AOAH: variants seen among roughly 807,000 people sequenced by gnomAD.
AOAH encodes acyloxyacyl hydrolase, also known as acyloxyacyl hydrolase (neutrophil).
In AOAH, 64 loss-of-function variants were observed where a neutral mutation model predicts 92.2. That is an observed-to-expected ratio of 0.69 (90% CI 0.57 to 0.86). The LOEUF (loss-of-function observed/expected upper bound fraction) is 0.86, where lower values mean the gene tolerates loss of function less well. Ranked by LOEUF, AOAH falls within the 40% of genes least tolerant of loss-of-function variation. The probability of loss-of-function intolerance (pLI) is 0.00; values close to 1 mark genes in which losing one functional copy is unlikely to be tolerated. For missense variants in AOAH, 656 were observed against 694.6 expected, an observed-to-expected ratio of 0.94 and a Z score of 0.62; for synonymous variants, 263 against 254.5, an observed-to-expected ratio of 1.03 and a Z score of -0.32.
chr7:36,583,803 C>A (rs1490620914), intron 12 of AOAH, among the ~76,000 whole-genome samples: 1 of 152,214 alleles, frequency 6.6e-6, no homozygotes, highest in East Asian at 1.9e-4. Flanking sequence ...GTTCTCTGAG[C>A]TTGAAGCAGG....
chr7:36,596,169 C>G (rs1562603768), intron 11 of AOAH, among the ~76,000 whole-genome samples: 1 of 132,976 alleles, frequency 7.5e-6, no homozygotes, highest in African/African-American at 3.3e-5. Context: ...GAAAGCCCCC[C>G]CACCCCCCGT....
At chr7:36,539,114 G>A (rs2116164852) in intron 16 of AOAH, among the ~76,000 whole-genome samples, 1 of 152,334 alleles carries the variant, frequency 6.6e-6, no homozygotes, top group East Asian at 1.9e-4. Flanking sequence ...AGTAGTATAT[G>A]CAAGAAAAGG....
At chr7:36,623,744 AC>A (rs1218230285) in intron 6 of AOAH, among the ~76,000 whole-genome samples, 1 of 152,172 alleles carries the variant, frequency 6.6e-6, no homozygotes, top group Non-Finnish European at 1.5e-5. Context: ...GAAGCCAAGG[AC>A]CCTGATGTGA....
At chr7:36,680,066 A>G (rs1405918152) in intron 2 of AOAH, among the ~76,000 whole-genome samples, 1 of 152,206 alleles carries the variant, frequency 6.6e-6, no homozygotes, top group Non-Finnish European at 1.5e-5. Flanking sequence ...GTTTTTAACA[A>G]TTATATTCCA....
chr7:36,676,935 C>T (rs1033409678), intron 2 of AOAH, among the ~76,000 whole-genome samples: 4 of 152,008 alleles, frequency 2.6e-5, no homozygotes, highest in Non-Finnish European at 5.9e-5. Context: ...TAACCCAAAA[C>T]GGGTCAAAGA....
intron 1 of AOAH, among the ~76,000 whole-genome samples, chr7:36,695,126 TAGA>T (rs1797634241): frequency 6.6e-6 from 1 of 152,090 alleles, no homozygotes; most frequent in Non-Finnish European, 1.5e-5. Flanking sequence ...AACAAAAGAA[TAGA>T]AGAAGATCCA....
chr7:36,679,668 T>C (rs1201936317), intron 2 of AOAH, among the ~76,000 whole-genome samples: 1 of 149,080 alleles, frequency 6.7e-6, no homozygotes, highest in Non-Finnish European at 1.5e-5. Context: ...CACATAATTA[T>C]TTTTTTTTGA....
At chr7:36,541,955 T>C (rs966996146) in intron 15 of AOAH, among the ~76,000 whole-genome samples, 1 of 152,208 alleles carries the variant, frequency 6.6e-6, no homozygotes, top group South Asian at 2.1e-4. Flanking sequence ...AATGCTACAG[T>C]GTTACTTTCT....
Position 36,614,923 on chromosome 7 carries a change from A to C in AOAH, c.846+1457T>G, listed in dbSNP as rs999197482. Among the ~76,000 whole-genome samples, 2 of 152,168 alleles carry C rather than the reference A, an allele frequency of 1.3e-5. No homozygotes were observed. The highest frequency in any genetic ancestry group is 4.8e-5 in the African/African-American group (2 of 41,450). On this transcript the variant is annotated intron_variant, in intron 11 of 20. Coordinates refer to ENST00000617537, the MANE Select transcript of AOAH (RefSeq NM_001637.4). The surrounding 1 kb of genome is among the most constrained non-coding windows in gnomAD (Gnocchi z 4.2). ...TCCTGGCTTACCTGGGGACCCATGG[A>C]ACACTGGCAGGAGGAGGAACCCAGC...
chr7:36,554,060 T>A (rs1003129055), intron 13 of AOAH, among the ~76,000 whole-genome samples: 1 of 152,250 alleles, frequency 6.6e-6, no homozygotes, highest in African/African-American at 2.4e-5. Context: ...TCCTTGCCCA[T>A]GCCTATGTCA....
chr7:36,667,849 C>G (rs1795640204), intron 3 of AOAH, among the ~76,000 whole-genome samples: 2 of 152,174 alleles, frequency 1.3e-5, no homozygotes, highest in African/African-American at 4.8e-5. Context: ...GAAGTATGTT[C>G]TGTTTCAAAT....
intron 19 of AOAH, among the ~76,000 whole-genome samples, chr7:36,526,397 G>A (rs985297544): frequency 3.9e-5 from 6 of 152,174 alleles, no homozygotes; most frequent in South Asian, 2.1e-4. Context: ...TATCTGTATC[G>A]TGACCAATGT....
chr7:36,588,303 A>G (rs1234611917), intron 12 of AOAH, among the ~76,000 whole-genome samples: 1 of 152,162 alleles, frequency 6.6e-6, no homozygotes, highest in African/African-American at 2.4e-5. Flanking sequence ...GGAAAGCCTT[A>G]GTATTGTTGT....
intron 6 of AOAH, among the ~76,000 whole-genome samples, chr7:36,624,919 C>T (rs996430457): frequency 6.6e-6 from 1 of 152,196 alleles, no homozygotes; most frequent in East Asian, 1.9e-4. Context: ...GGGGGCCTTG[C>T]CTTCCTCTTT....
At chr7:36,564,379 G>A (rs530211008) in intron 13 of AOAH, among the ~76,000 whole-genome samples, 2 of 152,296 alleles carry the variant, frequency 1.3e-5, no homozygotes, top group East Asian at 1.9e-4. Flanking sequence ...CTCCTTGAAG[G>A]TGGGGGCTTT....
chr7:36,524,732 G>A (rs958630266), intron 19 of AOAH, among the ~76,000 whole-genome samples: 1 of 151,498 alleles, frequency 6.6e-6, no homozygotes, highest in Admixed American at 6.6e-5. Flanking sequence ...CAGAGGGCTC[G>A]CTCACTCTTT....
chr7:36,696,263 T>C (rs141106736), intron 1 of AOAH, among the ~76,000 whole-genome samples: 1 of 152,312 alleles, frequency 6.6e-6, no homozygotes, highest in African/African-American at 2.4e-5. Context: ...TCTGGCTTCT[T>C]TTAATTTCTA....
rs57628897 is a variant in AOAH at position 36,523,629 on chromosome 7, GT to G, written c.1523-1515del. 2.1e-4 allele frequency among the ~76,000 whole-genome samples: 21 copies of G among 100,136 alleles called. 1 individual carries two copies. Among genetic ancestry groups the G allele is most frequent in the African/African-American group, 6.5e-4 (16 of 24,690 alleles). The allele number at this position is 100,136 out of a possible 152,430, so 65.7% of individuals were successfully genotyped here. A position where few individuals can be genotyped will look rare whatever the true frequency, so the allele number is the denominator to read the frequency against. ...TCAGTTTGCCTGGCCTGTTTTGCCT[GT>G]TTTTTTTTTTTTTTTTTTTGGCATG... On this transcript the variant is annotated intron_variant, in intron 19 of 20. Transcript: ENST00000617537.
Position 36,516,920 on chromosome 7 carries a change from A to C in AOAH, c.1600-3540T>G, listed in dbSNP as rs988107590. On this transcript the variant is annotated intron_variant, in intron 20 of 20. Coordinates refer to ENST00000617537, the MANE Select transcript of AOAH (RefSeq NM_001637.4). The surrounding 1 kb of genome is among the most constrained non-coding windows in gnomAD (Gnocchi z 5.0). ...TTAGTTGGTTGTCACTCTAATAAGG[A>C]ATAAAATATTTATGAGCAGGCATTG... 1.3e-5 allele frequency among the ~76,000 whole-genome samples: 2 copies of C among 152,232 alleles called. No homozygotes were observed. The highest frequency in any genetic ancestry group is 4.8e-5 in the African/African-American group (2 of 41,462).
Sources: gnomAD v4.1 joint callset for allele counts (sites outside exome capture counted in the v4.1 genomes callset) on GRCh38, gnomAD v4.1.1 for gene constraint, Gnocchi (gnomAD v3.1) non-coding constraint, MANE v1.5 for transcripts, NCBI Gene and HGNC (gene_info 2026-07-23, HGNC 2026-07-21) for gene names.